The following AUTS2 variants were observed in gnomAD, a reference collection of about 807,000 sequenced individuals.
The protein encoded by AUTS2 is autism susceptibility gene 2 protein.
A neutral mutation model predicts 112.4 loss-of-function variants in AUTS2; 17 were observed. That is an observed-to-expected ratio of 0.15 (90% CI 0.10 to 0.23). The LOEUF (loss-of-function observed/expected upper bound fraction) is 0.23, where lower values mean the gene tolerates loss of function less well. Among genes scored for constraint, AUTS2 ranks in the 10% least tolerant of loss-of-function variants. AUTS2 has a pLI of 1.00. For missense variants in AUTS2, 1,510 were observed against 1,701.6 expected (o/e 0.89, Z 1.98); for synonymous variants, 751 against 702.7 (o/e 1.07, Z -1.09).
rs542383034 is a variant in AUTS2, at chr7:70,729,113, G to A, written c.742+30493G>A. The A allele has an allele frequency of 8.3e-5, 38 of 455,744 alleles. No homozygotes were observed. In the East Asian group the frequency reaches 1.5e-3, roughly 18 times the overall value. 28.2% of individuals were successfully genotyped at this position (455,744 alleles called of 1,614,324 possible). ...AGAACAGCCATTTACAAAATGGGGC[G>A]AAAACGACGGCCACACCCTCCATCA... On this transcript the variant is annotated intron_variant, in intron 6 of 18. Transcript: ENST00000342771.
At chr7:70,052,867 A>C (rs952028666) in intron 2 of AUTS2, among the ~76,000 whole-genome samples, 6 of 152,208 alleles carry the variant, frequency 3.9e-5, no homozygotes, top group East Asian at 3.9e-4. Flanking sequence ...AGCCAGGATT[A>C]AAGTCTAGGA....
intron 2 of AUTS2, among the ~76,000 whole-genome samples, chr7:69,978,718 T>G (rs937723559): frequency 6.6e-6 from 1 of 152,030 alleles, no homozygotes; most frequent in African/African-American, 2.4e-5. Flanking sequence ...TAGTGGTATG[T>G]GTCTATGGTC....
chr7:70,083,740 A>AGAAC (rs1272737186), intron 2 of AUTS2, among the ~76,000 whole-genome samples: 14 of 152,280 alleles, frequency 9.2e-5, no homozygotes, highest in African/African-American at 3.4e-4. Flanking sequence ...TGAGCCCAGA[A>AGAAC]GTTCAAGATG....
intron 5 of AUTS2, 86 bp downstream of exon 5, chr7:70,435,867 G>A: frequency 7.1e-7 from 1 of 1,417,246 alleles, no homozygotes. Context: ...AGGGTAGGAT[G>A]CCAGCTTCAT....
At chr7:69,607,603 T>TA (rs1186278224) in intron 1 of AUTS2, among the ~76,000 whole-genome samples, 1 of 152,250 alleles carries the variant, frequency 6.6e-6, no homozygotes, top group Non-Finnish European at 1.5e-5. Context: ...TTCTAGTTAG[T>TA]TTGTTTGCCA....
chr7:70,731,363 T>C (rs1787373881), intron 6 of AUTS2, among the ~76,000 whole-genome samples: 1 of 150,270 alleles, frequency 6.7e-6, no homozygotes, highest in Non-Finnish European at 1.5e-5. Context: ...TTTAAACTTA[T>C]AGGAAGGTTG....
At chr7:70,721,215 A>G (rs1336953859) in intron 6 of AUTS2, among the ~76,000 whole-genome samples, 1 of 151,602 alleles carries the variant, frequency 6.6e-6, no homozygotes, top group East Asian at 1.9e-4. Flanking sequence ...TGCTGTATAG[A>G]GGTTCAAGGA....
At chr7:69,783,025 A>T (rs987652113) in intron 1 of AUTS2, among the ~76,000 whole-genome samples, 1 of 150,564 alleles carries the variant, frequency 6.6e-6, no homozygotes, top group East Asian at 2.0e-4. Context: ...TCCCCTGGGC[A>T]TGCCCAGCCT....
chr7:70,727,492 G>A (rs1414466381), intron 6 of AUTS2, among the ~76,000 whole-genome samples: 1 of 152,110 alleles, frequency 6.6e-6, no homozygotes, highest in East Asian at 1.9e-4. Context: ...TGGGATTACA[G>A]GCATGCATCA....
intron 6 of AUTS2, among the ~76,000 whole-genome samples, chr7:70,721,407 T>C (rs1016289897): frequency 1.8e-4 from 27 of 152,144 alleles, no homozygotes; most frequent in African/African-American, 5.3e-4. Context: ...CAAGCTGTTC[T>C]CCTGCCTCAG....
intron 1 of AUTS2, among the ~76,000 whole-genome samples, chr7:69,754,331 G>A (rs1028017746): frequency 6.6e-6 from 1 of 152,162 alleles, no homozygotes; most frequent in African/African-American, 2.4e-5. Flanking sequence ...TGGTTTGGGA[G>A]GTAGGAAGTA....
At chr7:70,521,240 C>A (rs1466515251) in intron 5 of AUTS2, among the ~76,000 whole-genome samples, 1 of 152,128 alleles carries the variant, frequency 6.6e-6, no homozygotes, top group Non-Finnish European at 1.5e-5. Flanking sequence ...CTCTCCTGGG[C>A]TTTTATTCTG....
intron 5 of AUTS2, among the ~76,000 whole-genome samples, chr7:70,612,987 G>A (rs144712800): frequency 0.011 from 1,671 of 152,106 alleles, 19 homozygotes; most frequent in Middle Eastern, 0.031. Flanking sequence ...GGGAGACAGC[G>A]CGGTGGTACA....
chr7:70,386,028 C>T (rs1240912786), intron 4 of AUTS2, among the ~76,000 whole-genome samples: 5 of 152,154 alleles, frequency 3.3e-5, no homozygotes, highest in South Asian at 2.1e-4. Flanking sequence ...AAGGCCTATA[C>T]GGGAGCCTGG....
At chr7:70,413,121 C>T (rs189365101) in intron 4 of AUTS2, among the ~76,000 whole-genome samples, 100 of 152,360 alleles carry the variant, frequency 6.6e-4, no homozygotes, top group Admixed American at 1.0e-3. Flanking sequence ...GCTCCTTTGT[C>T]TTCATTGATT....
In AUTS2 at chr7:70,412,884, G is replaced by A. The variant is rs140060781; in HGVS notation, c.661-22868G>A. 1.7e-3 allele frequency among the ~76,000 whole-genome samples: 254 copies of A among 152,298 alleles called. 3 individuals carry two copies. The highest frequency in any genetic ancestry group is 0.013 in the Admixed American group (201 of 15,308). Reference sequence around the variant, plus strand: ...CGTGCGCCTGTAATCCCAGCTATTCGGGAGGCTGAGGCGGGAGAATCGCTT... The same window carrying A: ...CGTGCGCCTGTAATCCCAGCTATTCAGGAGGCTGAGGCGGGAGAATCGCTT... On this transcript the variant is annotated intron_variant, in intron 4 of 18. Coordinates refer to ENST00000342771, the MANE Select transcript of AUTS2 (RefSeq NM_015570.4).
chr7:70,711,133 C>T (rs534294197), intron 6 of AUTS2, among the ~76,000 whole-genome samples: 1 of 152,216 alleles, frequency 6.6e-6, no homozygotes, highest in Non-Finnish European at 1.5e-5. Flanking sequence ...CTCACCCCCC[C>T]AGAGCACACC....
intron 2 of AUTS2, among the ~76,000 whole-genome samples, chr7:70,062,507 C>T (rs542963244): frequency 4.8e-4 from 63 of 131,760 alleles, no homozygotes; most frequent in Admixed American, 1.0e-3. Flanking sequence ...AGCGAGACTC[C>T]GTCTCAAAAA....
At chr7:69,858,571 C>G (rs914580841) in intron 1 of AUTS2, among the ~76,000 whole-genome samples, 2 of 152,156 alleles carry the variant, frequency 1.3e-5, no homozygotes, top group Non-Finnish European at 2.9e-5. Flanking sequence ...AAATGCTTCC[C>G]CTGCTGAGCT....
Sources: gnomAD v4.1 joint callset for allele counts (sites outside exome capture counted in the v4.1 genomes callset) on GRCh38, gnomAD v4.1.1 for gene constraint, MANE v1.5 for transcripts, NCBI Gene and HGNC (gene_info 2026-07-23, HGNC 2026-07-21) for gene names.